The following RSC1A1 variants were observed in gnomAD, a reference collection of about 807,000 sequenced individuals.
RSC1A1 encodes regulator of solute carriers 1, also known as regulatory solute carrier protein family 1 member 1.
In RSC1A1, 6 loss-of-function variants were observed where a neutral mutation model predicts 7.7. The ratio of observed to expected loss-of-function variants is 0.78; its 90% confidence interval spans 0.43 to 1.53. The LOEUF (loss-of-function observed/expected upper bound fraction) is 1.53, where lower values mean the gene tolerates loss of function less well. Among genes scored for constraint, RSC1A1 ranks in the 40% most tolerant of loss-of-function variants. The pLI is 0.01. For missense variants in RSC1A1, 729 were observed against 726.3 expected (o/e 1.00, Z -0.04); for synonymous variants, 250 against 263.0 (o/e 0.95, Z 0.48).
rs1640343331 is a variant in RSC1A1, at chr1:15,660,221, C to T, written c.353C>T (p.Thr118Ile). The T allele has an allele frequency of 6.2e-7, 1 of 1,614,026 alleles. No individual in the cohort carries two copies. Among genetic ancestry groups the T allele is most frequent in the African/African-American group, 1.3e-5 (1 of 74,914 alleles). ...GNLEKSAERS[T>I]QGLKFHLHTR... is the part of the protein sequence containing the mutation. ...CTGGAGAAATCTGCTGAAAGAAGCA[C>T]CCAGGGCCTCAAATTTCATCTCCAT... Residue 118 changes from threonine (T) to isoleucine (I), a missense_variant, in exon 1 of 1, where the codon ACC becomes ATC. Thr to Ile is a moderately conservative substitution (Grantham distance 89, BLOSUM62 -1). Coordinates refer to ENST00000345034, the MANE Select transcript of RSC1A1 (RefSeq NM_006511.3).
At position 15,659,818 on chromosome 1, in the gene RSC1A1, TCCCC is replaced by T; in HGVS notation, c.-50_-47del. 6.7e-7 allele frequency: 1 copy of T among 1,490,658 alleles called. No homozygotes were observed. The highest frequency in any genetic ancestry group is 1.4e-5 in the African/African-American group (1 of 71,556). 92.3% of individuals were successfully genotyped at this position (1,490,658 alleles called of 1,614,324 possible). On this transcript the variant is annotated 5_prime_UTR_variant, in exon 1 of 1. Coordinates refer to ENST00000345034, the MANE Select transcript of RSC1A1 (RefSeq NM_006511.3). Reference sequence around the variant, plus strand: ...CACCTGCTAATTAATCTTTTTCCTTTCCCCTGTGTTCCATATAGAGAAAAGTGGT... The same window carrying T: ...CACCTGCTAATTAATCTTTTTCCTTTTGTGTTCCATATAGAGAAAAGTGGT...
At position 15,661,784 on chromosome 1, in the gene RSC1A1, A is replaced by G. The variant is rs772579827; in HGVS notation, c.*62A>G. The G allele has an allele frequency of 4.2e-5, 64 of 1,518,636 alleles. No individual in the cohort carries two copies. The Middle Eastern group carries it at 1.1e-3, about 27-fold the overall frequency. The allele number at this position is 1,518,636 out of a possible 1,614,324, so 94.1% of individuals were successfully genotyped here. On this transcript the variant is annotated 3_prime_UTR_variant, in exon 1 of 1. Coordinates refer to ENST00000345034, the MANE Select transcript of RSC1A1 (RefSeq NM_006511.3). ...TTAAACAAAAGAAAGCTCTCTCTAT[A>G]TACACGCACACATACACACTCACCA... is the stretch of plus-strand genomic sequence containing the variant.
chr1:15,660,883 C>G lies in RSC1A1; in HGVS notation c.1015C>G (p.Gln339Glu), dbSNP rs918520279. 6.2e-7 allele frequency: 1 copy of G among 1,614,116 alleles called. No homozygotes were observed. Among genetic ancestry groups the G allele is most frequent in the Non-Finnish European group, 8.5e-7 (1 of 1,180,018 alleles). Residue 339 changes from glutamine (Q) to glutamate (E), a missense_variant, in exon 1 of 1, where the codon CAG becomes GAG. Transcript: ENST00000345034. ...YSSPSLCGSC[Q>E]PSVESAEESC... ...CTCTCCAAGTCTCTGTGGCAGTTGT[C>G]AGCCTTCTGTGGAGTCAGCAGAAGA...
At position 15,661,604 on chromosome 1, in the gene RSC1A1, G is replaced by T; in HGVS notation, c.1736G>T (p.Arg579Leu). The change falls in exon 1 of 1, where the codon CGC (arginine) becomes CTC (leucine). Residue 579 changes from arginine (R) to leucine (L), a missense_variant. Arg to Leu is a moderately radical substitution (Grantham distance 102, BLOSUM62 -2). Coordinates refer to ENST00000345034, the MANE Select transcript of RSC1A1 (RefSeq NM_006511.3). ...ATTTTTCCTGCCACAGATATTGACC[G>T]CATTCTCCGTGCTGGCTTTACTTTG... ...PLIFPATDID[R>L]ILRAGFTLQE... The T allele has an allele frequency of 1.2e-6, 2 of 1,614,100 alleles. No individual in the cohort carries two copies. Among genetic ancestry groups the T allele is most frequent in the Non-Finnish European group, 1.7e-6 (2 of 1,180,022 alleles).
Position 15,661,801 on chromosome 1 carries a change from C to T in RSC1A1, c.*79C>T, listed in dbSNP as rs980844519. The T allele has an allele frequency of 1.7e-5, 25 of 1,476,898 alleles. No homozygotes were observed. The Admixed American group carries it at 5.0e-4, about 29-fold the overall frequency. The allele number at this position is 1,476,898 out of a possible 1,614,324, so 91.5% of individuals were successfully genotyped here. Reference sequence around the variant, plus strand: ...CTCTCTATATACACGCACACATACACACTCACCACATATACAGTATATATA... The same window carrying T: ...CTCTCTATATACACGCACACATACATACTCACCACATATACAGTATATATA... On this transcript the variant is annotated 3_prime_UTR_variant, in exon 1 of 1. Transcript: ENST00000345034.
Position 15,659,855 on chromosome 1 carries a change from C to T in RSC1A1, c.-14C>T. 1 of 1,546,520 alleles carries T rather than the reference C, an allele frequency of 6.5e-7. No homozygotes were observed. Among genetic ancestry groups the T allele is most frequent in the Non-Finnish European group, 8.7e-7 (1 of 1,151,790 alleles). ...CATATAGAGAAAAGTGGTAAAGAAT[C>T]TACCTCACTGGGAATGTCATCATTA... On this transcript the variant is annotated 5_prime_UTR_variant, in exon 1 of 1. Coordinates refer to ENST00000345034, the MANE Select transcript of RSC1A1 (RefSeq NM_006511.3).
the RSC1A1 span, chr1:15,661,319 T>TAC: frequency 6.2e-7 from 1 of 1,614,058 alleles, no homozygotes; most frequent in Non-Finnish European, 8.5e-7. Flanking sequence ...TCCAATCAGT[T>TAC]ACACTGCACC....
At position 15,661,629 on chromosome 1, in the gene RSC1A1, G is replaced by A. The variant is rs759562891; in HGVS notation, c.1761G>A (p.Leu587=). ...GCATTCTCCGTGCTGGCTTTACTTT[G>A]CAGGAAGCTCTTGGAGCTTTGCATC... ...IDRILRAGFT[L]QEALGALHRV... Residue 587 remains leucine (L), a synonymous_variant, in exon 1 of 1, where the codon TTG becomes TTA. Coordinates refer to ENST00000345034, the MANE Select transcript of RSC1A1 (RefSeq NM_006511.3). The A allele has an allele frequency of 6.2e-7, 1 of 1,614,032 alleles. No homozygotes were observed. The highest frequency in any genetic ancestry group is 1.1e-5 in the South Asian group (1 of 90,992).
chr1:15,661,199 T>A lies in RSC1A1; in HGVS notation c.1331T>A (p.Val444Glu). 1.2e-6 allele frequency: 2 copies of A among 1,614,152 alleles called. No homozygotes were observed. The highest frequency in any genetic ancestry group is 1.7e-6 in the Non-Finnish European group (2 of 1,180,014). Residue 444 changes from valine (V) to glutamate (E), a missense_variant, in exon 1 of 1, where the codon GTA (valine) becomes GAA (glutamate). Val to Glu is a moderately radical substitution (Grantham distance 121). Coordinates refer to ENST00000345034, the MANE Select transcript of RSC1A1 (RefSeq NM_006511.3). ...SDTGREAVEN[V>E]NFRSLGDGLS... ...ACTGGAAGAGAAGCTGTAGAAAATGTAAACTTCAGGAGTCTAGGTGATGGC... is the reference window on the plus strand; with the variant it reads ...ACTGGAAGAGAAGCTGTAGAAAATGAAAACTTCAGGAGTCTAGGTGATGGC...
chr1:15,661,388 C>T lies in RSC1A1; in HGVS notation c.1520C>T (p.Thr507Ile). 2.5e-6 allele frequency: 4 copies of T among 1,614,216 alleles called. No individual in the cohort carries two copies. The highest frequency in any genetic ancestry group is 3.4e-6 in the Non-Finnish European group (4 of 1,180,032). ...GGTGAGGAGGATGCACTCAATCAGA[C>T]TTCTGAGCAAACTAAGTCTTTGTCA... is the stretch of plus-strand genomic sequence containing the variant. ...LAGEEDALNQ[T>I]SEQTKSLSSN... is the part of the protein sequence containing the mutation. Residue 507 changes from threonine (T) to isoleucine (I), a missense_variant, in exon 1 of 1, where the codon ACT becomes ATT. Thr to Ile is a moderately conservative substitution (Grantham distance 89). Transcript: ENST00000345034.
rs1250139827 is a variant in RSC1A1, at chr1:15,660,762, T to C, written c.894T>C (p.Ser298=). The C allele has an allele frequency of 6.2e-7, 1 of 1,613,732 alleles. No homozygotes were observed. The highest frequency in any genetic ancestry group is 2.2e-5 in the East Asian group (1 of 44,900). ...AAACATCAAAATGTAACCCTTCATC[T>C]GAAATTTTGAATGATTCCATTTCCA... is the stretch of plus-strand genomic sequence containing the variant. ...EVETSKCNPS[S]EILNDSISTQ... is the part of the protein sequence containing the mutation. Residue 298 remains serine, a synonymous_variant, in exon 1 of 1, where the codon TCT becomes TCC. Coordinates refer to ENST00000345034, the MANE Select transcript of RSC1A1 (RefSeq NM_006511.3).
Position 15,661,279 on chromosome 1 carries a change from C to A in RSC1A1, c.1411C>A (p.Arg471Ser), listed in dbSNP as rs1416491452. The change falls in exon 1 of 1, where the codon CGT becomes AGT. Residue 471 changes from arginine (R) to serine (S), a missense_variant. By Grantham distance (110) the Arg-to-Ser change is moderately radical. Transcript: ENST00000345034. The stretch of plus-strand genomic sequence containing the variant: ...ATCTAGGGAATCCATAAATAAGAAC[C>A]GTTCTGTCACTGTAACCTCAGCTAA... ...PKSRESINKNRSVTVTSAKTS... is the reference protein window; with the variant it reads ...PKSRESINKNSSVTVTSAKTS... 1.2e-6 allele frequency: 2 copies of A among 1,614,056 alleles called. No individual in the cohort carries two copies. The highest frequency in any genetic ancestry group is 1.7e-6 in the Non-Finnish European group (2 of 1,179,992).
At position 15,660,599 on chromosome 1, in the gene RSC1A1, A is replaced by G; in HGVS notation, c.731A>G (p.Asn244Ser). 6.2e-7 allele frequency: 1 copy of G among 1,614,038 alleles called. No homozygotes were observed. The highest frequency in any genetic ancestry group is 8.5e-7 in the Non-Finnish European group (1 of 1,180,002). ...IPSSECSGCS[N>S]SETFMEIDTA... The stretch of plus-strand genomic sequence containing the variant: ...TCTTCAGAATGCAGTGGCTGCTCAA[A>G]TTCAGAAACATTTATGGAAATCGAT... The change falls in exon 1 of 1, where the codon AAT becomes AGT. Residue 244 changes from asparagine to serine, a missense_variant. By Grantham distance (46) the Asn-to-Ser change is conservative (BLOSUM62 1). Transcript: ENST00000345034.
rs1331434688 is a variant in RSC1A1, at chr1:15,661,000, G to A, written c.1132G>A (p.Val378Ile). ...AGCTTCAGAAAATACATCTGAAGAA[G>A]TAATCTGTCAATCAGAAACCATAGC... The part of the protein sequence containing the change: ...KPASENTSEE[V>I]ICQSETIAEG... The change falls in exon 1 of 1, where the codon GTA becomes ATA. Residue 378 changes from valine to isoleucine, a missense_variant. Val to Ile is a conservative substitution (Grantham distance 29, BLOSUM62 3). Transcript: ENST00000345034. The A allele has an allele frequency of 6.2e-7, 1 of 1,614,046 alleles. No individual in the cohort carries two copies. Among genetic ancestry groups the A allele is most frequent in the Non-Finnish European group, 8.5e-7 (1 of 1,179,976 alleles).
rs1640372656 is a variant in RSC1A1 at position 15,661,336 on chromosome 1, G to A, written c.1468G>A (p.Val490Ile). 1.2e-6 allele frequency: 2 copies of A among 1,613,950 alleles called. No individual in the cohort carries two copies. Among genetic ancestry groups the A allele is most frequent in the Non-Finnish European group, 1.7e-6 (2 of 1,179,972 alleles). The change falls in exon 1 of 1, where the codon GTA becomes ATA. Residue 490 changes from valine (V) to isoleucine (I), a missense_variant. By Grantham distance (29) the Val-to-Ile change is conservative. Coordinates refer to ENST00000345034, the MANE Select transcript of RSC1A1 (RefSeq NM_006511.3). ...TSNQLHCTLGVEISPKLLAGE... is the reference protein window; with the variant it reads ...TSNQLHCTLGIEISPKLLAGE... ...CAATCAGTTACACTGCACCTTAGGT[G>A]TAGAAATTTCACCCAAACTTTTAGC...
rs759773926 is a variant in RSC1A1 at position 15,661,234 on chromosome 1, G to A, written c.1366G>A (p.Asp456Asn). ...GAGTCTAGGTGATGGCCTGTCAACCGATAAGGAAGGTGTCCCCAAATCTAG... is the reference window on the plus strand; with the variant it reads ...GAGTCTAGGTGATGGCCTGTCAACCAATAAGGAAGGTGTCCCCAAATCTAG... ...FRSLGDGLST[D>N]KEGVPKSRES... The change falls in exon 1 of 1, where the codon GAT becomes AAT. Residue 456 changes from aspartate to asparagine, a missense_variant. Coordinates refer to ENST00000345034, the MANE Select transcript of RSC1A1 (RefSeq NM_006511.3). 16 of 1,614,018 alleles carry A rather than the reference G, an allele frequency of 9.9e-6. No homozygotes were observed. The highest frequency in any genetic ancestry group is 2.2e-5 in the East Asian group (1 of 44,884).
In RSC1A1 at chr1:15,661,286, T is replaced by C; in HGVS notation, c.1418T>C (p.Val473Ala). Residue 473 changes from valine to alanine, a missense_variant, in exon 1 of 1, where the codon GTC becomes GCC. Val to Ala is a moderately conservative substitution (Grantham distance 64). Transcript: ENST00000345034. ...SRESINKNRS[V>A]TVTSAKTSNQ... ...GAATCCATAAATAAGAACCGTTCTG[T>C]CACTGTAACCTCAGCTAAAACATCC... The C allele has an allele frequency of 6.2e-7, 1 of 1,614,164 alleles. No individual in the cohort carries two copies. The highest frequency in any genetic ancestry group is 8.5e-7 in the Non-Finnish European group (1 of 1,180,016).
the RSC1A1 span, chr1:15,661,236 TAAGG>T: frequency 3.7e-6 from 6 of 1,614,000 alleles, no homozygotes; most frequent in South Asian, 4.4e-5. Flanking sequence ...TGTCAACCGA[TAAGG>T]AAGGTGTCCC....
rs1324563089 is a variant in RSC1A1, at chr1:15,660,965, G to A, written c.1097G>A (p.Ser366Asn). The A allele has an allele frequency of 1.2e-6, 2 of 1,613,654 alleles. No homozygotes were observed. The highest frequency in any genetic ancestry group is 1.7e-5 in the Admixed American group (1 of 59,896). ...LKELHELLVVSSKPASENTSE... is the reference protein window; with the variant it reads ...LKELHELLVVNSKPASENTSE... ...GAACTTCATGAACTTTTGGTTGTTA[G>A]CAGTAAACCAGCTTCAGAAAATACA... The change falls in exon 1 of 1, where the codon AGC (serine) becomes AAC (asparagine). Residue 366 changes from serine to asparagine, a missense_variant. Ser to Asn is a conservative substitution (Grantham distance 46, BLOSUM62 1). Transcript: ENST00000345034.
Sources: allele counts gnomAD v4.1 joint callset, GRCh38; gene constraint gnomAD v4.1.1; transcripts MANE v1.5; gene names NCBI Gene and HGNC (gene_info 2026-07-23, HGNC 2026-07-21).